The following LARS2 variants were observed in gnomAD, a reference collection of about 807,000 sequenced individuals.
LARS2 encodes leucyl-tRNA synthetase 2, mitochondrial, also known as leucine--tRNA ligase, mitochondrial.
In LARS2, 81 loss-of-function variants were observed where a neutral mutation model predicts 116.6. That is an observed-to-expected ratio of 0.69 (90% confidence interval 0.58 to 0.84). The LOEUF (loss-of-function observed/expected upper bound fraction) is 0.84, where lower values mean the gene tolerates loss of function less well. LARS2 is among the 40% of genes least tolerant of loss of function. LARS2 has a pLI of 0.00. For missense variants in LARS2, 968 were observed against 1,114.5 expected (o/e 0.87, Z 1.87); for synonymous variants, 396 against 407.2 (o/e 0.97, Z 0.33).
At chr3:45,528,840 A>G (rs530825654) in intron 20 of LARS2, among the ~76,000 whole-genome samples, 28 of 149,024 alleles carry the variant, frequency 1.9e-4, no homozygotes, top group Admixed American at 1.1e-3. Context: ...ATGAACATAT[A>G]TTTATGGGCC....
intron 1 of LARS2, among the ~76,000 whole-genome samples, chr3:45,390,725 T>A (rs1240254081): frequency 6.6e-6 from 1 of 151,470 alleles, no homozygotes; most frequent in Non-Finnish European, 1.5e-5. Flanking sequence ...TGATCTCAGC[T>A]CACTGCAAGC....
intron 6 of LARS2, among the ~76,000 whole-genome samples, chr3:45,433,276 T>A (rs571273733): frequency 2.6e-5 from 4 of 152,118 alleles, no homozygotes; most frequent in African/African-American, 9.6e-5. Flanking sequence ...TATTAAGACT[T>A]AAGTCTAGCA....
intron 14 of LARS2, among the ~76,000 whole-genome samples, chr3:45,497,543 C>G (rs1231092099): frequency 1.3e-5 from 2 of 152,138 alleles, no homozygotes; most frequent in Non-Finnish European, 2.9e-5. Flanking sequence ...GACAGATACT[C>G]CTGCCCTCAC....
chr3:45,447,191 G>C (rs1171338147), intron 7 of LARS2, among the ~76,000 whole-genome samples: 1 of 152,114 alleles, frequency 6.6e-6, no homozygotes, highest in South Asian at 2.1e-4. Flanking sequence ...CTATTGTCTG[G>C]TTCCTGTAAT....
chr3:45,544,559 T>A (rs899965555), intron 21 of LARS2, among the ~76,000 whole-genome samples: 6 of 152,186 alleles, frequency 3.9e-5, no homozygotes, highest in African/African-American at 1.4e-4. Context: ...TGAGCTTATT[T>A]ACTAAGCACA....
At chr3:45,490,550 C>T (rs1442194547) in intron 12 of LARS2, among the ~76,000 whole-genome samples, 5 of 152,228 alleles carry the variant, frequency 3.3e-5, no homozygotes, top group Non-Finnish European at 7.3e-5. Context: ...TTATGATTTG[C>T]ATCACGACTG....
intron 15 of LARS2, 96 bp downstream of exon 15, chr3:45,500,675 T>C: frequency 1.1e-6 from 1 of 882,694 alleles, no homozygotes; most frequent in Non-Finnish European, 1.7e-6. Context: ...ATGCATGTAG[T>C]AGAATACTAG....
intron 6 of LARS2, among the ~76,000 whole-genome samples, chr3:45,435,672 T>C (rs1698785705): frequency 6.6e-6 from 1 of 152,000 alleles, no homozygotes; most frequent in Non-Finnish European, 1.5e-5. Flanking sequence ...TTCTTTTCTC[T>C]GTACTCATTG....
chr3:45,467,650 T>G (rs1331866293), intron 8 of LARS2, among the ~76,000 whole-genome samples: 1 of 152,160 alleles, frequency 6.6e-6, no homozygotes, highest in Non-Finnish European at 1.5e-5. Flanking sequence ...GTGTCAGAGT[T>G]TTTGGGAAAA....
chr3:45,409,696 G>A (rs1399481016), intron 4 of LARS2, among the ~76,000 whole-genome samples: 1 of 152,148 alleles, frequency 6.6e-6, no homozygotes, highest in Admixed American at 6.5e-5. Flanking sequence ...TAGAAACAAA[G>A]AGACCCTTTC....
At chr3:45,527,219 A>G (rs1177275495) in intron 20 of LARS2, among the ~76,000 whole-genome samples, 2 of 152,144 alleles carry the variant, frequency 1.3e-5, no homozygotes, top group African/African-American at 4.8e-5. Context: ...CTGTTATATA[A>G]TGAATTTGGG....
At chr3:45,439,696 G>C (rs1698873682) in intron 6 of LARS2, among the ~76,000 whole-genome samples, 1 of 151,994 alleles carries the variant, frequency 6.6e-6, no homozygotes, top group South Asian at 2.1e-4. Flanking sequence ...ATCTGTGTTG[G>C]GGTGGGGCTG....
chr3:45,389,402 C>T (rs1017600158), intron 1 of LARS2, among the ~76,000 whole-genome samples: 7 of 152,182 alleles, frequency 4.6e-5, no homozygotes, highest in African/African-American at 1.7e-4. Flanking sequence ...CAGCATTCAG[C>T]AGCCCGTCAG....
At chr3:45,505,798 A>C (rs1700193109) in intron 15 of LARS2, among the ~76,000 whole-genome samples, 1 of 152,102 alleles carries the variant, frequency 6.6e-6, no homozygotes, top group Non-Finnish European at 1.5e-5. Flanking sequence ...CCAGTTTCTG[A>C]ATGATTTTTT....
At chr3:45,447,297 C>A (rs1699038596) in intron 7 of LARS2, among the ~76,000 whole-genome samples, 1 of 152,148 alleles carries the variant, frequency 6.6e-6, no homozygotes, top group Non-Finnish European at 1.5e-5. Flanking sequence ...GGTAACTTAA[C>A]CTCTAGGAAA....
intron 4 of LARS2, among the ~76,000 whole-genome samples, chr3:45,415,491 C>T (rs981425259): frequency 1.3e-5 from 2 of 152,128 alleles, no homozygotes; most frequent in East Asian, 3.8e-4. Flanking sequence ...GAAAAGGAAC[C>T]TACACATGGA....
intron 3 of LARS2, among the ~76,000 whole-genome samples, chr3:45,394,982 T>C (rs1277888743): frequency 1.3e-5 from 2 of 152,096 alleles, no homozygotes; most frequent in South Asian, 2.1e-4. Flanking sequence ...GCACGAGGTG[T>C]ATGACAGACA....
At position 45,520,316 on chromosome 3, in the gene LARS2, T is replaced by C. The variant is rs372371039; in HGVS notation, c.2292+20T>C. 34 of 1,594,394 alleles carry C rather than the reference T, an allele frequency of 2.1e-5. No homozygotes were observed. The African/African-American group carries it at 3.8e-4, about 18-fold the overall frequency. The stretch of plus-strand genomic sequence containing the variant: ...CTCTCGGTAAGTGGCCTGTCCTCAT[T>C]TGCTGGTAGCAGAGGAGGGAGGGAG... On this transcript the variant is annotated intron_variant, in intron 19 of 21. Coordinates refer to ENST00000645846, the MANE Select transcript of LARS2 (RefSeq NM_015340.4).
chr3:45,484,422 C>T (rs1280344255), intron 10 of LARS2, among the ~76,000 whole-genome samples: 5 of 149,664 alleles, frequency 3.3e-5, no homozygotes, highest in Non-Finnish European at 3.0e-5. Context: ...CATATATGCA[C>T]GTATGGCTTG....
Sources: gnomAD v4.1 joint callset for allele counts (sites outside exome capture counted in the v4.1 genomes callset) on GRCh38, gnomAD v4.1.1 for gene constraint, MANE v1.5 for transcripts, NCBI Gene and HGNC (gene_info 2026-07-23, HGNC 2026-07-21) for gene names.